Variants in VSTM2B observed in about 807,000 individuals in gnomAD.
The protein encoded by VSTM2B is V-set and transmembrane domain-containing protein 2B.
VSTM2B carries 24 observed loss-of-function variants against 24.0 expected under a neutral mutation model. The observed-to-expected ratio is 1.00, with a 90% CI of 0.72 to 1.40. The LOEUF (loss-of-function observed/expected upper bound fraction) is 1.40, where lower values mean the gene tolerates loss of function less well. Among genes scored for constraint, VSTM2B ranks in the 40% most tolerant of loss-of-function variants. The pLI, the probability that VSTM2B is intolerant of heterozygous loss-of-function variation, is 0.00. For synonymous variants in VSTM2B, 226 were observed against 194.4 expected, an observed-to-expected ratio of 1.16 and a Z score of -1.35; for missense variants, 399 against 416.4, an observed-to-expected ratio of 0.96 and a Z score of 0.36.
Position 29,527,203 on chromosome 19 carries a change from A to T in VSTM2B, c.83-8A>T, listed in dbSNP as rs1969601060. The T allele has an allele frequency of 2.6e-6, 4 of 1,543,954 alleles. No homozygotes were observed. In the East Asian group the frequency reaches 9.9e-5, roughly 38 times the overall value. ...TGGTCACGCCTCTCTCTCTCTCCCC[A>T]CCCCCAGCTGCATTCACAGAAGTCC... On this transcript the variant is annotated splice_region_variant and splice_polypyrimidine_tract_variant and intron_variant, in intron 1 of 4. Transcript: ENST00000335523.
chr19:29,547,981 T>C (rs1160217), intron 4 of VSTM2B, among the ~76,000 whole-genome samples: 37,410 of 151,840 alleles, frequency 0.25, 7,074 homozygotes, highest in African/African-American at 0.53. Flanking sequence ...AAAGGTTCTG[T>C]TTCTCAGGGA....
In VSTM2B at chr19:29,526,700, G is replaced by C. The variant is rs530212499; in HGVS notation, c.82+35G>C. Reference sequence around the variant, plus strand: ...GGAACTTTGCTGCCGCTGTGGACTCGGGGGGGTCTTTGCTGGGGCCGCCAC... The same window carrying C: ...GGAACTTTGCTGCCGCTGTGGACTCCGGGGGGTCTTTGCTGGGGCCGCCAC... On this transcript the variant is annotated intron_variant, in intron 1 of 4. Transcript: ENST00000335523. The surrounding 1 kb of genome is among the most constrained non-coding windows in gnomAD (Gnocchi z 4.1). 8 of 1,498,810 alleles carry C rather than the reference G, an allele frequency of 5.3e-6. No homozygotes were observed. The highest frequency in any genetic ancestry group is 1.2e-5 in the South Asian group (1 of 81,262). The allele number at this position is 1,498,810 out of a possible 1,614,324, so 92.8% of individuals were successfully genotyped here.
At chr19:29,542,456 G>A (rs999089468) in intron 4 of VSTM2B, among the ~76,000 whole-genome samples, 5 of 151,756 alleles carry the variant, frequency 3.3e-5, no homozygotes, top group African/African-American at 1.2e-4. Flanking sequence ...ATGGGTTGAT[G>A]GTTGGGAGAA....
In VSTM2B at chr19:29,530,372, A is replaced by C. The variant is rs968433191; in HGVS notation, c.769+82A>C. On this transcript the variant is annotated intron_variant, in intron 4 of 4. Coordinates refer to ENST00000335523, the MANE Select transcript of VSTM2B (RefSeq NM_001146339.2). ...GCCGGGACGCCCCGGGGGGCTCCGG[A>C]CCCAGGACCCGCCCCCTGGGCGCAT... is the stretch of plus-strand genomic sequence containing the variant. 5 of 1,270,030 alleles carry C rather than the reference A, an allele frequency of 3.9e-6. No individual in the cohort carries two copies. In the African/African-American group the frequency reaches 6.4e-5, roughly 16 times the overall value. 78.7% of individuals were successfully genotyped at this position (1,270,030 alleles called of 1,614,324 possible). A position where few individuals can be genotyped will look rare whatever the true frequency, so the allele number is the denominator to read the frequency against.
intron 4 of VSTM2B, among the ~76,000 whole-genome samples, chr19:29,535,537 T>C (rs1969867349): frequency 6.6e-6 from 1 of 152,028 alleles, no homozygotes; most frequent in Admixed American, 6.6e-5. Flanking sequence ...AATATTTCAA[T>C]TAATAATGAG....
At chr19:29,561,698 T>G (rs1407442804) in intron 4 of VSTM2B, among the ~76,000 whole-genome samples, 11 of 152,182 alleles carry the variant, frequency 7.2e-5, no homozygotes, top group African/African-American at 2.7e-4. Flanking sequence ...GTGGGTGAAG[T>G]ACCCAGGAGG....
rs559021582 is a variant in VSTM2B, at chr19:29,526,107, C to A, written c.-477C>A. On this transcript the variant is annotated 5_prime_UTR_variant, in exon 1 of 5. Coordinates refer to ENST00000335523, the MANE Select transcript of VSTM2B (RefSeq NM_001146339.2). This position sits in a 1 kb window ranked among gnomAD's most constrained non-coding sequence, Gnocchi z 4.1. ...GCGCCCACTCGCCCTGCGGAAAGAG[C>A]CGCGGAGGAACCGGCGGGGGCGGCT... 6.6e-6 allele frequency among the ~76,000 whole-genome samples: 1 copy of A among 151,780 alleles called. No homozygotes were observed. Among genetic ancestry groups the A allele is most frequent in the Non-Finnish European group, 1.5e-5 (1 of 67,882 alleles).
At chr19:29,556,007 T>C (rs1053375744) in intron 4 of VSTM2B, among the ~76,000 whole-genome samples, 6 of 151,810 alleles carry the variant, frequency 4.0e-5, no homozygotes, top group African/African-American at 1.5e-4. Flanking sequence ...CATTTCTTCT[T>C]AAACTATTCC....
Position 29,526,391 on chromosome 19 carries a change from G to A in VSTM2B, c.-193G>A, listed in dbSNP as rs985112936. ...CTGCACACCCCGCGCAGCGCCCCCC[G>A]CCGGAGCCGCACCGGGCAAGCCGGC... On this transcript the variant is annotated 5_prime_UTR_variant, in exon 1 of 5. Transcript: ENST00000335523. This position sits in a 1 kb window ranked among gnomAD's most constrained non-coding sequence, Gnocchi z 4.1. The A allele has an allele frequency of 6.3e-5, 13 of 204,860 alleles. No homozygotes were observed. The highest frequency in any genetic ancestry group is 3.1e-4 in the African/African-American group (13 of 42,562). 12.7% of individuals were successfully genotyped at this position (204,860 alleles called of 1,614,324 possible). A position where few individuals can be genotyped will look rare whatever the true frequency, so the allele number is the denominator to read the frequency against.
intron 4 of VSTM2B, 76 bp downstream of exon 4, chr19:29,530,366 C>G (rs1684554871): frequency 5.3e-6 from 7 of 1,327,118 alleles, no homozygotes; most frequent in Non-Finnish European, 6.8e-6. Flanking sequence ...CCCCGGGGGG[C>G]TCCGGACCCA....
chr19:29,560,861 G>C (rs1970508579), intron 4 of VSTM2B, among the ~76,000 whole-genome samples: 1 of 152,160 alleles, frequency 6.6e-6, no homozygotes, highest in African/African-American at 2.4e-5. Flanking sequence ...GGTTCACGTT[G>C]CCAGGCTCAC....
chr19:29,544,265 G>A (rs907895915), intron 4 of VSTM2B, among the ~76,000 whole-genome samples: 4 of 151,728 alleles, frequency 2.6e-5, no homozygotes, highest in Non-Finnish European at 5.9e-5. Context: ...GGTGGCTCAC[G>A]CCTGTAATCC....
chr19:29,534,692 G>T (rs1599880731), intron 4 of VSTM2B, among the ~76,000 whole-genome samples: 1 of 149,712 alleles, frequency 6.7e-6, no homozygotes, highest in East Asian at 2.0e-4. Flanking sequence ...CTCCAGCGTG[G>T]GCAACAAGAC....
Position 29,526,009 on chromosome 19 carries a change from C to T in VSTM2B, c.-575C>T, listed in dbSNP as rs910298018. Among the ~76,000 whole-genome samples the T allele has an allele frequency of 1.1e-4, 17 of 152,020 alleles. No homozygotes were observed. The highest frequency in any genetic ancestry group is 3.9e-4 in the African/African-American group (16 of 41,448). The stretch of plus-strand genomic sequence containing the variant: ...CCCTCTCCCCGCCTCTCTCCGGCTC[C>T]GGGTCCGCCACGCCGGACCCGCTCT... On this transcript the variant is annotated 5_prime_UTR_variant, in exon 1 of 5. Transcript: ENST00000335523. This position sits in a 1 kb window ranked among gnomAD's most constrained non-coding sequence, Gnocchi z 4.1.
intron 4 of VSTM2B, 83 bp from the exon 5 acceptor site, chr19:29,563,763 G>A: frequency 1.6e-6 from 2 of 1,270,454 alleles, no homozygotes; most frequent in Non-Finnish European, 2.2e-6. Flanking sequence ...GCCTGGGGAA[G>A]CCTCACTGTT....
At chr19:29,527,187 C>T in intron 1 of VSTM2B, 24 bp from the exon 2 acceptor site, 4 of 1,310,272 alleles carry the variant, frequency 3.1e-6, no homozygotes, top group Non-Finnish European at 3.1e-6. Flanking sequence ...CTGGTCACGC[C>T]TCTCTCTCTC....
chr19:29,561,260 T>G (rs1488332481), intron 4 of VSTM2B, among the ~76,000 whole-genome samples: 2 of 151,748 alleles, frequency 1.3e-5, no homozygotes, highest in African/African-American at 2.4e-5. Context: ...TGCAGTGAGC[T>G]GAGGTCACAC....
intron 4 of VSTM2B, among the ~76,000 whole-genome samples, chr19:29,556,560 AG>A (rs1275335046): frequency 6.6e-6 from 1 of 151,814 alleles, no homozygotes; most frequent in Non-Finnish European, 1.5e-5. Context: ...AAAGAAATAA[AG>A]GATATTCAAA....
intron 4 of VSTM2B, among the ~76,000 whole-genome samples, chr19:29,544,336 C>T (rs1694430842): frequency 6.6e-6 from 1 of 151,110 alleles, no homozygotes; most frequent in Non-Finnish European, 1.5e-5. Flanking sequence ...ACCATCCTGG[C>T]TAACACGGTG....
Sources: allele counts gnomAD v4.1 joint callset (sites outside exome capture counted in the v4.1 genomes callset), GRCh38; gene constraint gnomAD v4.1.1; non-coding constraint Gnocchi (gnomAD v3.1); transcripts MANE v1.5; gene names NCBI Gene and HGNC (gene_info 2026-07-23, HGNC 2026-07-21).